Variants in PTPRT observed in about 807,000 individuals in gnomAD.
PTPRT encodes receptor-type tyrosine-protein phosphatase T.
In PTPRT, 56 loss-of-function variants were observed where a neutral mutation model predicts 176.8. The observed-to-expected ratio is 0.32, with a 90% CI of 0.26 to 0.40. The LOEUF is 0.40. Ranked by LOEUF, PTPRT falls within the 10% of genes least tolerant of loss-of-function variation. The probability of loss-of-function intolerance (pLI) is 1.00; values close to 1 mark genes in which losing one functional copy is unlikely to be tolerated. For synonymous variants in PTPRT, 783 were observed against 739.0 expected (o/e 1.06, Z -0.96); for missense variants, 1,540 against 1,908.2 (o/e 0.81, Z 3.60).
intron 2 of PTPRT, among the ~76,000 whole-genome samples, chr20:42,871,204 G>T (rs189768810): frequency 6.6e-6 from 1 of 151,340 alleles, no homozygotes; most frequent in Non-Finnish European, 1.5e-5. Flanking sequence ...TGCCCACCTC[G>T]GCCTCCCAAA....
chr20:42,986,931 T>C (rs1184802278), intron 1 of PTPRT, among the ~76,000 whole-genome samples: 1 of 152,128 alleles, frequency 6.6e-6, no homozygotes, highest in Non-Finnish European at 1.5e-5. Flanking sequence ...TCCTTTGCAG[T>C]TGCTGTCTTA....
At chr20:42,222,563 A>G (rs919365012) in intron 15 of PTPRT, among the ~76,000 whole-genome samples, 1 of 152,034 alleles carries the variant, frequency 6.6e-6, no homozygotes, top group Middle Eastern at 3.2e-3. Flanking sequence ...CCTCATACCC[A>G]GGGGGAGGAA....
Position 42,992,643 on chromosome 20 carries a change from G to A in PTPRT, c.89-106711C>T, listed in dbSNP as rs927816620. Among the ~76,000 whole-genome samples, 3 of 152,326 alleles carry A rather than the reference G, an allele frequency of 2.0e-5. No homozygotes were observed. The East Asian group carries it at 5.8e-4, about 29-fold the overall frequency. On this transcript the variant is annotated intron_variant, in intron 1 of 30. Coordinates refer to ENST00000373187, the MANE Select transcript of PTPRT (RefSeq NM_007050.6). ...GATTGGAAGATTAGACTTGACTAGGGAGACTGTTTCAGTTACCTATTGCTG... is the reference window on the plus strand; with the variant it reads ...GATTGGAAGATTAGACTTGACTAGGAAGACTGTTTCAGTTACCTATTGCTG...
At chr20:42,686,294 C>T (rs2075690079) in intron 6 of PTPRT, 1 of 151,996 alleles carries the variant, frequency 6.6e-6, no homozygotes, top group Non-Finnish European at 1.5e-5. Context: ...TTACCACTCC[C>T]AGGAGCAGCC....
chr20:43,161,824 C>G (rs576569281), intron 1 of PTPRT, among the ~76,000 whole-genome samples: 2 of 152,208 alleles, frequency 1.3e-5, no homozygotes, highest in Non-Finnish European at 2.9e-5. Flanking sequence ...CCATTCCCAT[C>G]TGGGCTGGCT....
intron 20 of PTPRT, among the ~76,000 whole-genome samples, chr20:42,119,335 C>T (rs374493809): frequency 4.6e-5 from 7 of 152,122 alleles, no homozygotes; most frequent in Non-Finnish European, 7.4e-5. Context: ...ATGTAACCAA[C>T]GTACCAATTG....
chr20:42,223,318 A>C (rs2146799309), intron 15 of PTPRT, among the ~76,000 whole-genome samples: 1 of 152,340 alleles, frequency 6.6e-6, no homozygotes, highest in African/African-American at 2.4e-5. Flanking sequence ...GCAACAGCCC[A>C]CATTTGGTGT....
the PTPRT span, among the ~76,000 whole-genome samples, chr20:42,063,059 G>T: frequency 6.6e-6 from 1 of 152,170 alleles, no homozygotes; most frequent in Non-Finnish European, 1.5e-5. Context: ...CAATTTTTGC[G>T]TTTCAAGAGA....
chr20:42,566,929 G>A lies in PTPRT; in HGVS notation c.1154-94367C>T, dbSNP rs138687801. ...GATGGGGACTCTCTATATTATCTTC[G>A]TAACTTTTCCATGAATCTAAATTTA... is the stretch of plus-strand genomic sequence containing the variant. On this transcript the variant is annotated intron_variant, in intron 7 of 30. Coordinates refer to ENST00000373187, the MANE Select transcript of PTPRT (RefSeq NM_007050.6). 5.3e-4 allele frequency among the ~76,000 whole-genome samples: 81 copies of A among 152,216 alleles called. No homozygotes were observed. In the East Asian group the frequency reaches 9.1e-3, roughly 17 times the overall value.
At chr20:42,398,286 G>GT (rs1485537206) in intron 9 of PTPRT, among the ~76,000 whole-genome samples, 3 of 152,044 alleles carry the variant, frequency 2.0e-5, no homozygotes, top group African/African-American at 2.4e-5. Flanking sequence ...AATGGTATGG[G>GT]TTTTTTTCTA....
At chr20:42,386,541 A>G (rs1192027657) in intron 9 of PTPRT, among the ~76,000 whole-genome samples, 2 of 152,098 alleles carry the variant, frequency 1.3e-5, no homozygotes, top group Non-Finnish European at 2.9e-5. Context: ...TCATTTTTGG[A>G]CATCTATGGT....
intron 18 of PTPRT, among the ~76,000 whole-genome samples, chr20:42,135,130 G>A (rs1290563863): frequency 6.6e-6 from 1 of 152,188 alleles, no homozygotes; most frequent in East Asian, 1.9e-4. Context: ...TTAGCAGAAG[G>A]GAGGTTATGG....
chr20:42,278,891 C>T (rs2147041351), intron 13 of PTPRT, among the ~76,000 whole-genome samples: 1 of 152,254 alleles, frequency 6.6e-6, no homozygotes, highest in South Asian at 2.1e-4. Context: ...TCACCTTAAG[C>T]ACCTGTGGCT....
intron 1 of PTPRT, among the ~76,000 whole-genome samples, chr20:43,111,004 T>C (rs1370392486): frequency 6.6e-6 from 1 of 152,122 alleles, no homozygotes; most frequent in African/African-American, 2.4e-5. Context: ...CATCCAATAT[T>C]TATCATGCAT....
chr20:42,166,716 C>T (rs1403602647), intron 16 of PTPRT, among the ~76,000 whole-genome samples: 4 of 152,128 alleles, frequency 2.6e-5, no homozygotes, highest in Middle Eastern at 3.4e-3. Flanking sequence ...TCAGGAGTTT[C>T]GAGATCAGTC....
At chr20:42,516,858 A>G (rs2072076859) in intron 7 of PTPRT, among the ~76,000 whole-genome samples, 1 of 152,154 alleles carries the variant, frequency 6.6e-6, no homozygotes, top group African/African-American at 2.4e-5. Flanking sequence ...TATCTACATA[A>G]TAAGCTAGCA....
the PTPRT span, among the ~76,000 whole-genome samples, chr20:42,041,023 G>T: frequency 6.6e-6 from 1 of 152,152 alleles, no homozygotes; most frequent in Non-Finnish European, 1.5e-5. Context: ...TTTTGGTGTT[G>T]GTTCTTGTGT....
chr20:42,581,976 C>G (rs78120998), intron 7 of PTPRT, among the ~76,000 whole-genome samples: 2,093 of 152,300 alleles, frequency 0.014, 54 homozygotes, highest in African/African-American at 0.049. Flanking sequence ...GGAAACAAAT[C>G]GGCACTTGGA....
chr20:42,357,786 C>T (rs150343906), intron 9 of PTPRT, among the ~76,000 whole-genome samples: 29 of 151,794 alleles, frequency 1.9e-4, no homozygotes, highest in Non-Finnish European at 2.8e-4. Context: ...TGGTGATGCA[C>T]GCCTGTAGTC....
Sources: gnomAD v4.1 joint callset for allele counts (sites outside exome capture counted in the v4.1 genomes callset) on GRCh38, gnomAD v4.1.1 for gene constraint, MANE v1.5 for transcripts, NCBI Gene and HGNC (gene_info 2026-07-23, HGNC 2026-07-21) for gene names.